FRMD4A: variants seen among roughly 807,000 people sequenced by gnomAD.
FRMD4A encodes the protein FERM domain containing 4A.
Under a neutral mutation model 129.1 loss-of-function variants are expected in FRMD4A, and 29 were observed. The ratio of observed to expected loss-of-function variants is 0.22; its 90% CI spans 0.17 to 0.31. The LOEUF (loss-of-function observed/expected upper bound fraction) is 0.31. FRMD4A is among the 10% of genes least tolerant of loss of function. The pLI, the probability that FRMD4A is intolerant of heterozygous loss-of-function variation, is 1.00. For missense variants in FRMD4A, 1,272 were observed against 1,375.8 expected (o/e 0.92, Z 1.19); for synonymous variants, 634 against 571.6 (o/e 1.11, Z -1.56).
chr10:14,007,400 G>A (rs1420518125), intron 2 of FRMD4A: 3 of 152,182 alleles, frequency 2.0e-5, no homozygotes, highest in Non-Finnish European at 4.4e-5. Flanking sequence ...AAATGCATCT[G>A]TTACTCCAGA....
chr10:14,136,111 G>A (rs1003366297), intron 2 of FRMD4A, among the ~76,000 whole-genome samples: 10 of 152,188 alleles, frequency 6.6e-5, no homozygotes, highest in African/African-American at 1.7e-4. Context: ...CTCATAATTC[G>A]TGTTATGCAT....
chr10:13,913,703 G>A (rs558082714), intron 2 of FRMD4A, among the ~76,000 whole-genome samples: 2 of 152,270 alleles, frequency 1.3e-5, no homozygotes, highest in South Asian at 4.2e-4. Context: ...CTTAGTACTA[G>A]TAGATGGGGT....
intron 2 of FRMD4A, among the ~76,000 whole-genome samples, chr10:13,872,659 C>T (rs1206430949): frequency 6.6e-6 from 1 of 152,166 alleles, no homozygotes; most frequent in Non-Finnish European, 1.5e-5. Context: ...AAGTACACAC[C>T]TACCTAACAT....
At chr10:14,270,937 A>C (rs76150306) in intron 2 of FRMD4A, among the ~76,000 whole-genome samples, 9,773 of 152,320 alleles carry the variant, frequency 0.064, 396 homozygotes, top group Non-Finnish European at 0.09. Context: ...TTATAAAAAA[A>C]GAGATTTAAT....
chr10:13,772,852 A>C (rs2092496325), intron 6 of FRMD4A, among the ~76,000 whole-genome samples: 1 of 152,192 alleles, frequency 6.6e-6, no homozygotes, highest in African/African-American at 2.4e-5. Flanking sequence ...TGGGTACACA[A>C]AAATAGAAAG....
At chr10:13,687,215 T>C (rs1362863525) in intron 15 of FRMD4A, among the ~76,000 whole-genome samples, 4 of 152,094 alleles carry the variant, frequency 2.6e-5, no homozygotes, top group African/African-American at 9.7e-5. Flanking sequence ...GAATCGCAGA[T>C]AACCCGGGAG....
chr10:14,014,600 A>C (rs1402646057), intron 2 of FRMD4A, among the ~76,000 whole-genome samples: 1 of 152,224 alleles, frequency 6.6e-6, no homozygotes, highest in Non-Finnish European at 1.5e-5. Context: ...GCCTACATCC[A>C]TAATTTTCTG....
At chr10:13,915,735 G>T (rs1001852812) in intron 2 of FRMD4A, among the ~76,000 whole-genome samples, 1 of 151,762 alleles carries the variant, frequency 6.6e-6, no homozygotes, top group African/African-American at 2.4e-5. Context: ...GCCACTCAGA[G>T]CTGCTACCCA....
chr10:13,653,709 G>A (rs1293307784), intron 23 of FRMD4A: 1 of 152,482 alleles, frequency 6.6e-6, no homozygotes, highest in Non-Finnish European at 1.5e-5. Flanking sequence ...CATCTACTTA[G>A]AGATGATGTC....
chr10:14,311,598 C>A (rs965678056), intron 2 of FRMD4A, among the ~76,000 whole-genome samples: 3 of 119,508 alleles, frequency 2.5e-5, no homozygotes, highest in Non-Finnish European at 4.9e-5. Context: ...TGCCATCTCT[C>A]ACACTCTCTC....
intron 2 of FRMD4A, among the ~76,000 whole-genome samples, chr10:14,297,278 A>T (rs558888805): frequency 6.6e-6 from 1 of 152,290 alleles, no homozygotes; most frequent in Admixed American, 6.5e-5. Flanking sequence ...GTCATTACAG[A>T]CAAACAAGGG....
intron 6 of FRMD4A, among the ~76,000 whole-genome samples, chr10:13,766,829 C>T (rs553581332): frequency 6.6e-6 from 1 of 152,270 alleles, no homozygotes; most frequent in East Asian, 1.9e-4. Context: ...AATCCCAGCA[C>T]TTTGGGAGAC....
At chr10:13,754,770 T>C (rs2091785303) in intron 8 of FRMD4A, among the ~76,000 whole-genome samples, 1 of 152,146 alleles carries the variant, frequency 6.6e-6, no homozygotes, top group Non-Finnish European at 1.5e-5. Flanking sequence ...AAAGTTACTG[T>C]TAAGTTACAT....
At chr10:14,231,825 A>C (rs1413975812) in intron 2 of FRMD4A, among the ~76,000 whole-genome samples, 1 of 152,184 alleles carries the variant, frequency 6.6e-6, no homozygotes, top group East Asian at 1.9e-4. Flanking sequence ...GATGCTCGAT[A>C]TTAGACCTTT....
At chr10:14,258,825 C>T (rs940851262) in intron 2 of FRMD4A, among the ~76,000 whole-genome samples, 1 of 152,092 alleles carries the variant, frequency 6.6e-6, no homozygotes, top group Admixed American at 6.5e-5. Context: ...ACTACTTAGC[C>T]ATAAAAATAA....
intron 2 of FRMD4A, among the ~76,000 whole-genome samples, chr10:14,314,438 G>C (rs1228330585): frequency 6.6e-6 from 1 of 152,140 alleles, no homozygotes; most frequent in Non-Finnish European, 1.5e-5. Context: ...ATGGGAGGAG[G>C]CTATGTGAGC....
At chr10:13,650,236 C>CTTACAGAACCAACTGGT in intron 24 of FRMD4A, among the ~76,000 whole-genome samples, 1 of 152,178 alleles carries the variant, frequency 6.6e-6, no homozygotes, top group East Asian at 1.9e-4. Context: ...GTATAACTAA[C>CTTACAGAACCAACTGGT]TTACAGAACC....
chr10:14,128,817 G>A, intron 2 of FRMD4A, among the ~76,000 whole-genome samples: 1 of 151,972 alleles, frequency 6.6e-6, no homozygotes, highest in East Asian at 1.9e-4. Flanking sequence ...CATGGCCTCA[G>A]CACTCCTTTA....
In FRMD4A at chr10:13,659,431, G is replaced by A; in HGVS notation, c.1958C>T (p.Ser653Phe). The A allele has an allele frequency of 1.2e-6, 2 of 1,613,968 alleles. No homozygotes were observed. Among genetic ancestry groups the A allele is most frequent in the South Asian group, 1.1e-5 (1 of 91,068 alleles). The change falls in exon 21 of 25, where the codon TCC (serine) becomes TTC (phenylalanine). Residue 653 changes from serine (S) to phenylalanine (F), a missense_variant. Physicochemically the swap from Ser to Phe is radical, Grantham distance 155. Around this residue, in one of 2 missense-constraint regions of FRMD4A, gnomAD observed 972 missense variants for 892.3 expected, o/e 1.09. Coordinates refer to ENST00000357447, the MANE Select transcript of FRMD4A (RefSeq NM_018027.5). ...SCAEAGGGSN[S>F]LQNSPIRGLP... ...GCCGCGGATGGGGCTGTTCTGCAAGGAGTTGCTTCCTCCGCCGGCTTCCGC... is the reference window on the plus strand; with the variant it reads ...GCCGCGGATGGGGCTGTTCTGCAAGAAGTTGCTTCCTCCGCCGGCTTCCGC...
Sources: gnomAD v4.1 joint callset for allele counts (sites outside exome capture counted in the v4.1 genomes callset) on GRCh38, gnomAD v4.1.1 for gene constraint, gnomAD v4.1.1 regional missense constraint, MANE v1.5 for transcripts, NCBI Gene and HGNC (gene_info 2026-07-23, HGNC 2026-07-21) for gene names.